The following LRRK1 variants were observed in gnomAD, a reference collection of about 807,000 sequenced individuals.
The protein encoded by LRRK1 is leucine rich repeat kinase 1, also known as leucine-rich repeat serine/threonine-protein kinase 1.
A neutral mutation model predicts 209.1 loss-of-function variants in LRRK1; 113 were observed. That is an observed-to-expected ratio of 0.54 (90% CI 0.46 to 0.63). The LOEUF is 0.63. Among genes scored for constraint, LRRK1 ranks in the 30% least tolerant of loss-of-function variants. LRRK1 has a pLI of 0.00. For synonymous variants in LRRK1, 1,144 were observed against 1,099.7 expected (o/e 1.04, Z -0.80); for missense variants, 2,284 against 2,632.2 (o/e 0.87, Z 2.89).
At chr15:101,067,139 G>T in intron 33 of LRRK1, 1 of 405,286 alleles carries the variant, frequency 2.5e-6, no homozygotes, top group Non-Finnish European at 5.0e-6. Flanking sequence ...GGGGACAGAT[G>T]ACACAGGCAC....
intron 21 of LRRK1, among the ~76,000 whole-genome samples, chr15:101,047,101 A>G (rs368057174): frequency 6.6e-6 from 1 of 152,188 alleles, no homozygotes; most frequent in African/African-American, 2.4e-5. Context: ...CCTCTGGCAT[A>G]ATCCCTGACT....
In LRRK1 at chr15:101,065,493, G is replaced by A. The variant is rs370749356; in HGVS notation, c.5056G>A (p.Ala1686Thr). The A allele has an allele frequency of 5.5e-5, 89 of 1,614,204 alleles. No homozygotes were observed. In the South Asian group the frequency reaches 6.0e-4, roughly 11 times the overall value. The change falls in exon 32 of 34, where the codon GCA becomes ACA. Residue 1686 changes from alanine to threonine, a missense_variant. Around this residue, in one of 6 missense-constraint regions of LRRK1, gnomAD observed 643 missense variants for 695.9 expected, o/e 0.92. Transcript: ENST00000388948. ...RSKFSIADEDARQNPYPVKAM... is the reference protein window; with the variant it reads ...RSKFSIADEDTRQNPYPVKAM... ...CAAGTTCAGCATCGCGGATGAAGAC[G>A]CACGGCAGAACCCCTACCCAGTGAA... is the stretch of plus-strand genomic sequence containing the variant.
At chr15:101,007,755 T>C (rs548678920) in intron 6 of LRRK1, among the ~76,000 whole-genome samples, 1 of 152,214 alleles carries the variant, frequency 6.6e-6, no homozygotes, top group East Asian at 1.9e-4. Context: ...CTCGGGTTGG[T>C]CCTAAATGGA....
At chr15:101,019,340 T>C (rs1162641292) in intron 12 of LRRK1, among the ~76,000 whole-genome samples, 2 of 152,126 alleles carry the variant, frequency 1.3e-5, no homozygotes, top group Non-Finnish European at 2.9e-5. Context: ...AAAATGTGAA[T>C]TAGGGCAGGC....
intron 2 of LRRK1, among the ~76,000 whole-genome samples, chr15:100,959,838 G>T (rs1216444605): frequency 6.6e-6 from 1 of 152,074 alleles, no homozygotes; most frequent in Non-Finnish European, 1.5e-5. Flanking sequence ...GTCTTCCAAT[G>T]TACAGAGTTC....
chr15:100,952,357 A>G (rs1377245965), intron 2 of LRRK1, among the ~76,000 whole-genome samples: 1 of 152,250 alleles, frequency 6.6e-6, no homozygotes. Context: ...TTTAAATGTG[A>G]CCGATGTATC....
intron 22 of LRRK1, among the ~76,000 whole-genome samples, chr15:101,048,880 A>T (rs1487512260): frequency 6.6e-6 from 1 of 152,200 alleles, no homozygotes; most frequent in East Asian, 1.9e-4. Context: ...GGAAAGGCAA[A>T]GGCAGATGTG....
At chr15:100,932,270 G>A (rs1262099675) in intron 2 of LRRK1, among the ~76,000 whole-genome samples, 2 of 152,216 alleles carry the variant, frequency 1.3e-5, no homozygotes, top group African/African-American at 2.4e-5. Flanking sequence ...ACAGGCGTGA[G>A]CCACAGCACC....
intron 2 of LRRK1, among the ~76,000 whole-genome samples, chr15:100,960,932 C>A (rs8025101): frequency 0.7 from 107,068 of 152,084 alleles, 38,023 homozygotes; most frequent in Non-Finnish European, 0.75. Context: ...CTCATGTTTT[C>A]GTTCCCACAT....
chr15:100,928,324 C>T lies in LRRK1; in HGVS notation c.97+3595C>T, dbSNP rs896961089. 5.3e-5 allele frequency among the ~76,000 whole-genome samples: 8 copies of T among 152,286 alleles called. No individual in the cohort carries two copies. In the South Asian group the frequency reaches 1.2e-3, roughly 24 times the overall value. On this transcript the variant is annotated intron_variant, in intron 2 of 33. Transcript: ENST00000388948. Reference sequence around the variant, plus strand: ...ACTATGACTGCAGCTGATCCCCCCGCAGGACTCACCCTCTGCACATGTCCC... The same window carrying T: ...ACTATGACTGCAGCTGATCCCCCCGTAGGACTCACCCTCTGCACATGTCCC...
At chr15:100,994,859 G>A (rs570265803) in intron 6 of LRRK1, among the ~76,000 whole-genome samples, 2 of 152,282 alleles carry the variant, frequency 1.3e-5, no homozygotes, top group East Asian at 3.9e-4. Flanking sequence ...AGGGGTCCGG[G>A]CAGAGGGTTC....
At position 101,010,745 on chromosome 15, in the gene LRRK1, G is replaced by C; in HGVS notation, c.1189G>C (p.Ala397Pro). The C allele has an allele frequency of 6.2e-7, 1 of 1,613,094 alleles. No homozygotes were observed. Among genetic ancestry groups the C allele is most frequent in the Non-Finnish European group, 8.5e-7 (1 of 1,179,734 alleles). Residue 397 changes from alanine (A) to proline (P), a missense_variant, in exon 9 of 34, where the codon GCC (alanine) becomes CCC (proline). Coordinates refer to ENST00000388948, the MANE Select transcript of LRRK1 (RefSeq NM_024652.6). Reference protein sequence around the residue: ...ISDNKLTELPALFLHSFKSLN... With the variant: ...ISDNKLTELPPLFLHSFKSLN... Reference sequence around the variant, plus strand: ...TGACAATAAATTGACAGAACTCCCTGCCCTGTTCCTTCACTCTTTCAAGTC... The same window carrying C: ...TGACAATAAATTGACAGAACTCCCTCCCCTGTTCCTTCACTCTTTCAAGTC...
intron 21 of LRRK1, among the ~76,000 whole-genome samples, chr15:101,047,884 C>G (rs936368543): frequency 6.6e-6 from 1 of 152,176 alleles, no homozygotes; most frequent in Non-Finnish European, 1.5e-5. Context: ...TCTCATGTAA[C>G]TCAAGGTGGT....
In LRRK1 at chr15:100,932,089, G is replaced by A. The variant is rs563629391; in HGVS notation, c.97+7360G>A. On this transcript the variant is annotated intron_variant, in intron 2 of 33. Coordinates refer to ENST00000388948, the MANE Select transcript of LRRK1 (RefSeq NM_024652.6). ...CAACCTCCACCTCCAGGGTTCAAGC[G>A]ATTCTCCTGCCTCAGCCTCCTGAGT... Among the ~76,000 whole-genome samples the A allele has an allele frequency of 1.2e-3, 182 of 152,268 alleles. 1 individual carries two copies. Among genetic ancestry groups the A allele is most frequent in the African/African-American group, 4.3e-3 (177 of 41,542 alleles).
chr15:100,995,470 G>A (rs537556104), intron 6 of LRRK1, among the ~76,000 whole-genome samples: 1 of 152,296 alleles, frequency 6.6e-6, no homozygotes, highest in Admixed American at 6.5e-5. Context: ...CACTCTCTAA[G>A]AAACAAAAGT....
At chr15:100,951,097 C>A (rs983043463) in intron 2 of LRRK1, among the ~76,000 whole-genome samples, 2 of 151,956 alleles carry the variant, frequency 1.3e-5, no homozygotes, top group East Asian at 1.9e-4. Flanking sequence ...AGTGAGACTC[C>A]GTCTCAGAAA....
In LRRK1 at chr15:101,055,257, G is replaced by C. The variant is rs886378402; in HGVS notation, c.4332+34G>C. 5 of 1,505,336 alleles carry C rather than the reference G, an allele frequency of 3.3e-6. No homozygotes were observed. In the Admixed American group the frequency reaches 1.2e-4, roughly 35 times the overall value. The allele number at this position is 1,505,336 out of a possible 1,614,324, so 93.2% of individuals were successfully genotyped here. On this transcript the variant is annotated intron_variant, in intron 27 of 33. Transcript: ENST00000388948. ...CTGGATCCCCTGGCCCAGCCCCACA[G>C]TGTAGGAGCCCAGCCCTCAGGCTAG...
rs778104562 is a variant in LRRK1 at position 100,988,586 on chromosome 15, C to T, written c.434-48C>T. The stretch of plus-strand genomic sequence containing the variant: ...AAGGGAAGAGCAGAGTGGGAACAAA[C>T]AGCACCCTTCAGTGGCACTTTCCCT... On this transcript the variant is annotated intron_variant, in intron 4 of 33. Coordinates refer to ENST00000388948, the MANE Select transcript of LRRK1 (RefSeq NM_024652.6). The T allele has an allele frequency of 3.8e-6, 6 of 1,587,890 alleles. No individual in the cohort carries two copies. In the Admixed American group the frequency reaches 5.0e-5, roughly 13 times the overall value.
At position 100,946,370 on chromosome 15, in the gene LRRK1, A is replaced by C. The variant is rs562314600; in HGVS notation, c.97+21641A>C. On this transcript the variant is annotated intron_variant, in intron 2 of 33. Transcript: ENST00000388948. ...TGCTAAAATTTATTCCAATGCCACC[A>C]TAATGACTGGGGTTGGAGACTAGCG... Among the ~76,000 whole-genome samples the C allele has an allele frequency of 9.7e-5, 14 of 144,250 alleles. No individual in the cohort carries two copies. In the South Asian group the frequency reaches 3.2e-3, roughly 33 times the overall value. The allele number at this position is 144,250 out of a possible 152,430, so 94.6% of individuals were successfully genotyped here. A position where few individuals can be genotyped will look rare whatever the true frequency, so the allele number is the denominator to read the frequency against.
Sources: allele counts gnomAD v4.1 joint callset (sites outside exome capture counted in the v4.1 genomes callset), GRCh38; gene constraint gnomAD v4.1.1; regional missense constraint gnomAD v4.1.1; transcripts MANE v1.5; gene names NCBI Gene and HGNC (gene_info 2026-07-23, HGNC 2026-07-21).